Variants in LRMDA observed in about 807,000 individuals in gnomAD.
The protein encoded by LRMDA is leucine-rich melanocyte differentiation-associated protein.
Under a neutral mutation model 29.8 loss-of-function variants are expected in LRMDA, and 18 were observed. That is an observed-to-expected ratio of 0.60 (90% CI 0.42 to 0.90). The LOEUF is 0.90. LRMDA is among the 40% of genes least tolerant of loss of function. The pLI, the probability that LRMDA is intolerant of heterozygous loss-of-function variation, is 0.00. For synonymous variants in LRMDA, 125 were observed against 109.4 expected, an observed-to-expected ratio of 1.14 and a Z score of -0.89; for missense variants, 273 against 273.9, an observed-to-expected ratio of 1.00 and a Z score of 0.02.
intron 2 of LRMDA, among the ~76,000 whole-genome samples, chr10:75,927,510 G>A (rs982979742): frequency 6.6e-6 from 1 of 151,932 alleles, no homozygotes; most frequent in Admixed American, 6.6e-5. Flanking sequence ...ACTTTTTATG[G>A]CTCACCTACT....
At chr10:76,391,738 A>G (rs1317764648) in intron 6 of LRMDA, among the ~76,000 whole-genome samples, 1 of 152,200 alleles carries the variant, frequency 6.6e-6, no homozygotes, top group Non-Finnish European at 1.5e-5. Flanking sequence ...AAAGCTTTGG[A>G]TAGCCCAGCT....
intron 5 of LRMDA, among the ~76,000 whole-genome samples, chr10:76,268,631 A>C (rs575523280): frequency 1.3e-5 from 2 of 152,262 alleles, no homozygotes; most frequent in African/African-American, 4.8e-5. Context: ...TTACAGCGAT[A>C]AAATGGCAGT....
intron 5 of LRMDA, among the ~76,000 whole-genome samples, chr10:76,107,328 C>T (rs1849503383): frequency 6.6e-6 from 1 of 152,174 alleles, no homozygotes; most frequent in South Asian, 2.1e-4. Context: ...TTGCATTTCT[C>T]ACAAGTTCCC....
intron 5 of LRMDA, among the ~76,000 whole-genome samples, chr10:76,294,201 T>C (rs1217509651): frequency 3.3e-5 from 5 of 152,324 alleles, no homozygotes; most frequent in Non-Finnish European, 5.9e-5. Context: ...TGTGTGTGTG[T>C]GTTTGTGTTA....
chr10:75,466,622 A>G (rs1383936013), intron 2 of LRMDA, among the ~76,000 whole-genome samples: 1 of 152,164 alleles, frequency 6.6e-6, no homozygotes, highest in Non-Finnish European at 1.5e-5. Flanking sequence ...GTCTGGGCTC[A>G]TTCCCTCCTG....
intron 2 of LRMDA, among the ~76,000 whole-genome samples, chr10:75,859,627 A>G (rs1439958375): frequency 6.7e-6 from 1 of 149,802 alleles, no homozygotes; most frequent in Non-Finnish European, 1.5e-5. Context: ...ACACACACAC[A>G]CACACACACA....
chr10:76,035,900 C>T, intron 2 of LRMDA, 108 bp from the exon 3 acceptor site: 2 of 1,444,030 alleles, frequency 1.4e-6, no homozygotes, highest in Non-Finnish European at 1.9e-6. Context: ...GCACCAAGCC[C>T]AAACTATTCC....
chr10:76,483,601 CAGTGGCCTT>C (rs1842753858), intron 6 of LRMDA, among the ~76,000 whole-genome samples: 1 of 151,644 alleles, frequency 6.6e-6, no homozygotes, highest in Admixed American at 6.6e-5. Flanking sequence ...GGCAGGCGCA[CAGTGGCCTT>C]AGTGTGTGAG....
At chr10:75,777,255 G>A (rs1412840600) in intron 2 of LRMDA, among the ~76,000 whole-genome samples, 2 of 152,088 alleles carry the variant, frequency 1.3e-5, no homozygotes, top group African/African-American at 4.8e-5. Flanking sequence ...ACCCAACAAG[G>A]CTTTCTGGAA....
At chr10:75,588,693 A>T (rs1253540942) in intron 2 of LRMDA, among the ~76,000 whole-genome samples, 1 of 152,214 alleles carries the variant, frequency 6.6e-6, no homozygotes, top group African/African-American at 2.4e-5. Context: ...ATGAAAGATT[A>T]TGAAAAGTTT....
At chr10:76,303,714 CTT>C (rs3066443) in intron 5 of LRMDA, among the ~76,000 whole-genome samples, 113 of 142,076 alleles carry the variant, frequency 8.0e-4, no homozygotes, top group Admixed American at 1.1e-3. Flanking sequence ...GATTGCCACT[CTT>C]TTTTTTTTTT....
chr10:75,948,541 G>A lies in LRMDA; in HGVS notation c.132-87467G>A, dbSNP rs538673322. ...ATAATGCACTGTTCCTGCCTGTTACGTCCATCAGGAAACAAGGCCGACCAA... is the reference window on the plus strand; with the variant it reads ...ATAATGCACTGTTCCTGCCTGTTACATCCATCAGGAAACAAGGCCGACCAA... On this transcript the variant is annotated intron_variant, in intron 2 of 6. Coordinates refer to ENST00000611255, the MANE Select transcript of LRMDA (RefSeq NM_001305581.2). Among the ~76,000 whole-genome samples the A allele has an allele frequency of 2.7e-4, 41 of 152,240 alleles. No homozygotes were observed. The South Asian group carries it at 3.1e-3, about 12-fold the overall frequency.
At chr10:76,002,017 A>T (rs1275457461) in intron 2 of LRMDA, among the ~76,000 whole-genome samples, 4 of 152,174 alleles carry the variant, frequency 2.6e-5, no homozygotes, top group Non-Finnish European at 2.9e-5. Context: ...CCATAAAAAA[A>T]TACTGCAGAC....
intron 2 of LRMDA, among the ~76,000 whole-genome samples, chr10:75,559,714 G>T (rs1231522477): frequency 2.7e-5 from 4 of 148,174 alleles, no homozygotes; most frequent in Admixed American, 1.4e-4. Flanking sequence ...TTTGTATAAG[G>T]TGTAAGGAAG....
intron 2 of LRMDA, among the ~76,000 whole-genome samples, chr10:75,737,093 ACACACACATGCACACGCACG>A (rs1160546479): frequency 2.0e-5 from 3 of 151,926 alleles, no homozygotes; most frequent in South Asian, 2.1e-4. Context: ...ATGCATGCAC[ACACACACATGCACACGCACG>A]CACACACATG....
intron 5 of LRMDA, among the ~76,000 whole-genome samples, chr10:76,261,408 G>C (rs1839941902): frequency 6.6e-6 from 1 of 151,918 alleles, no homozygotes; most frequent in Non-Finnish European, 1.5e-5. Flanking sequence ...ACCTGGGTCA[G>C]ACCCACACCT....
At chr10:76,127,709 A>C (rs1167860099) in intron 5 of LRMDA, among the ~76,000 whole-genome samples, 1 of 152,132 alleles carries the variant, frequency 6.6e-6, no homozygotes, top group Non-Finnish European at 1.5e-5. Flanking sequence ...AAAATTCTAG[A>C]AGAAGTCTGC....
At chr10:75,771,374 G>A (rs1843239173) in intron 2 of LRMDA, among the ~76,000 whole-genome samples, 1 of 152,034 alleles carries the variant, frequency 6.6e-6, no homozygotes, top group Non-Finnish European at 1.5e-5. Context: ...ACATAGGCTA[G>A]TAAGAAAAGT....
intron 2 of LRMDA, among the ~76,000 whole-genome samples, chr10:75,626,311 A>G (rs918887702): frequency 5.3e-5 from 8 of 152,104 alleles, no homozygotes; most frequent in Non-Finnish European, 1.0e-4. Context: ...CCTCTCCACA[A>G]TCCTTTGACA....
Sources: gnomAD v4.1 joint callset for allele counts (sites outside exome capture counted in the v4.1 genomes callset) on GRCh38, gnomAD v4.1.1 for gene constraint, MANE v1.5 for transcripts, NCBI Gene and HGNC (gene_info 2026-07-23, HGNC 2026-07-21) for gene names.